Variants in KLHL1 observed in about 807,000 individuals in gnomAD.
KLHL1 encodes the protein kelch like family member 1, also known as kelch-like protein 1.
Under a neutral mutation model 77.7 loss-of-function variants are expected in KLHL1, and 47 were observed. The ratio of observed to expected loss-of-function variants is 0.60; its 90% CI spans 0.48 to 0.77. KLHL1 has a LOEUF of 0.77. KLHL1 is among the 30% of genes least tolerant of loss of function. The pLI is 0.00. For missense variants in KLHL1, 925 were observed against 910.8 expected (o/e 1.02, Z -0.20); for synonymous variants, 360 against 325.2 (o/e 1.11, Z -1.15).
chr13:69,813,465 C>T (rs118095685), intron 6 of KLHL1, among the ~76,000 whole-genome samples: 5,443 of 143,212 alleles, frequency 0.038, 126 homozygotes, highest in Middle Eastern at 0.062. Flanking sequence ...AAAATACACA[C>T]ATATATACAC....
At chr13:69,899,403 G>A (rs538616605) in intron 4 of KLHL1, among the ~76,000 whole-genome samples, 1 of 152,098 alleles carries the variant, frequency 6.6e-6, no homozygotes, top group African/African-American at 2.4e-5. Context: ...AAAATTGTGT[G>A]GCAAGGTCAT....
intron 1 of KLHL1, among the ~76,000 whole-genome samples, chr13:70,027,652 G>GTTTTTT (rs10667717): frequency 7.4e-5 from 10 of 135,840 alleles, no homozygotes; most frequent in Non-Finnish European, 1.1e-4. Context: ...AATGTAAGTT[G>GTTTTTT]TTTTTTTTTT....
intron 7 of KLHL1, among the ~76,000 whole-genome samples, chr13:69,768,243 G>A (rs1169751014): frequency 6.6e-6 from 1 of 152,110 alleles, no homozygotes; most frequent in African/African-American, 2.4e-5. Flanking sequence ...ATTTTTTCTA[G>A]ATTGTATTAA....
Position 69,823,387 on chromosome 13 carries a change from C to G in KLHL1, c.1414+15589G>C, listed in dbSNP as rs78589048. Among the ~76,000 whole-genome samples the G allele has an allele frequency of 8.2e-4, 124 of 151,808 alleles. 2 individuals carry two copies. The East Asian group carries it at 0.021, about 26-fold the overall frequency. The stretch of plus-strand genomic sequence containing the variant: ...ATTAAAATAAGTGAATATCATGCAC[C>G]CAAAGGTATTTGGGGTTGTTGGTGA... On this transcript the variant is annotated intron_variant, in intron 6 of 10. Coordinates refer to ENST00000377844, the MANE Select transcript of KLHL1 (RefSeq NM_020866.3).
intron 1 of KLHL1, among the ~76,000 whole-genome samples, chr13:70,067,164 A>G (rs1017024843): frequency 2.0e-5 from 3 of 152,192 alleles, no homozygotes; most frequent in Admixed American, 2.0e-4. Context: ...ATGTCAACCT[A>G]AAACACACTA....
chr13:70,027,649 G>GTTTTTTTTTTTTTTTTTTTTT (rs1185282462), intron 1 of KLHL1, among the ~76,000 whole-genome samples: 3 of 109,334 alleles, frequency 2.7e-5, no homozygotes, highest in African/African-American at 4.0e-5. Context: ...CAAAATGTAA[G>GTTTTTTTTTTTTTTTTTTTTT]TTGTTTTTTT....
Position 70,099,607 on chromosome 13 carries a change from G to A in KLHL1, c.497+7596C>T, listed in dbSNP as rs7994319. Among the ~76,000 whole-genome samples the A allele has an allele frequency of 7.4e-3, 1,132 of 151,966 alleles. 12 individuals carry two copies. The highest frequency in any genetic ancestry group is 0.026 in the African/African-American group (1,080 of 41,490). ...AGGCAAGTGAGATTTACATTTTTAT[G>A]CAAAGTAAGGATAATAAATACAATA... On this transcript the variant is annotated intron_variant, in intron 1 of 10. Coordinates refer to ENST00000377844, the MANE Select transcript of KLHL1 (RefSeq NM_020866.3).
intron 7 of KLHL1, among the ~76,000 whole-genome samples, chr13:69,746,710 C>G (rs188194922): frequency 6.6e-6 from 1 of 151,566 alleles, no homozygotes; most frequent in Non-Finnish European, 1.5e-5. Flanking sequence ...GTTGAGAGAA[C>G]GCAAATGATT....
At chr13:70,081,304 C>T (rs941153419) in intron 1 of KLHL1, among the ~76,000 whole-genome samples, 1 of 152,158 alleles carries the variant, frequency 6.6e-6, no homozygotes, top group Non-Finnish European at 1.5e-5. Context: ...TATTATATCT[C>T]GGGTTTTTTT....
At chr13:69,751,112 ATGTGTGTGTGTGTGTGTG>A (rs56689981) in intron 7 of KLHL1, among the ~76,000 whole-genome samples, 5 of 141,092 alleles carry the variant, frequency 3.5e-5, no homozygotes, top group African/African-American at 1.3e-4. Context: ...TCATGTGTGT[ATGTGTGTGTGTGTGTGTG>A]TGTGTGTGTG....
chr13:69,915,124 T>C (rs1460694821), intron 4 of KLHL1, among the ~76,000 whole-genome samples: 4 of 152,186 alleles, frequency 2.6e-5, no homozygotes, highest in Admixed American at 1.3e-4. Context: ...CATTCCATGC[T>C]CATGGGTAGG....
At chr13:69,910,639 TA>T (rs1882207413) in intron 4 of KLHL1, among the ~76,000 whole-genome samples, 1 of 152,058 alleles carries the variant, frequency 6.6e-6, no homozygotes, top group Non-Finnish European at 1.5e-5. Context: ...TAAGGACCAT[TA>T]TAAATGCTTT....
intron 6 of KLHL1, among the ~76,000 whole-genome samples, chr13:69,836,621 T>C (rs56254941): frequency 0.081 from 12,292 of 152,076 alleles, 938 homozygotes; most frequent in African/African-American, 0.2. Flanking sequence ...CTCTAAGTGT[T>C]TGCCTAAAAT....
At chr13:69,912,686 C>T (rs2138246107) in intron 4 of KLHL1, among the ~76,000 whole-genome samples, 1 of 152,204 alleles carries the variant, frequency 6.6e-6, no homozygotes, top group Non-Finnish European at 1.5e-5. Context: ...GTAGTGTTTC[C>T]CAGCTCCATT....
chr13:69,868,849 T>G (rs1380123526), intron 5 of KLHL1, among the ~76,000 whole-genome samples: 1 of 152,158 alleles, frequency 6.6e-6, no homozygotes, highest in African/African-American at 2.4e-5. Context: ...TACAGTCTAC[T>G]TTAATTCTCA....
At chr13:69,851,903 T>C (rs1447381641) in intron 5 of KLHL1, among the ~76,000 whole-genome samples, 1 of 151,820 alleles carries the variant, frequency 6.6e-6, no homozygotes, top group East Asian at 1.9e-4. Flanking sequence ...TAATTAATAG[T>C]TTGTAGAAAT....
chr13:69,757,719 A>T (rs972972712), intron 7 of KLHL1, among the ~76,000 whole-genome samples: 24 of 152,144 alleles, frequency 1.6e-4, no homozygotes, highest in Non-Finnish European at 1.0e-4. Context: ...TGGGAGGCCG[A>T]GGCCAGAGGA....
At chr13:70,021,693 T>A (rs182242824) in intron 1 of KLHL1, among the ~76,000 whole-genome samples, 7 of 152,176 alleles carry the variant, frequency 4.6e-5, no homozygotes, top group African/African-American at 1.7e-4. Context: ...ATTTGGGGCA[T>A]CCTAATAGGT....
At chr13:70,075,559 G>GTATA (rs1555295382) in intron 1 of KLHL1, among the ~76,000 whole-genome samples, 4 of 91,368 alleles carry the variant, frequency 4.4e-5, no homozygotes, top group African/African-American at 1.9e-4. Context: ...ATACCTGTGT[G>GTATA]TGTGTATGTG....
Sources: allele counts gnomAD v4.1 joint callset (sites outside exome capture counted in the v4.1 genomes callset), GRCh38; gene constraint gnomAD v4.1.1; transcripts MANE v1.5; gene names NCBI Gene and HGNC (gene_info 2026-07-23, HGNC 2026-07-21).